DCLK2: variants seen among roughly 807,000 people sequenced by gnomAD.
DCLK2 encodes the protein doublecortin like kinase 2, also known as serine/threonine-protein kinase DCLK2.
In DCLK2, 31 loss-of-function variants were observed where a neutral mutation model predicts 78.4. The ratio of observed to expected loss-of-function variants is 0.40; its 90% CI spans 0.30 to 0.53. DCLK2 has a LOEUF of 0.53. Ranked by LOEUF, DCLK2 falls within the 20% of genes least tolerant of loss-of-function variation. DCLK2 has a pLI of 0.61. For missense variants in DCLK2, 872 were observed against 973.7 expected, an observed-to-expected ratio of 0.90 and a Z score of 1.39; for synonymous variants, 407 against 374.9, an observed-to-expected ratio of 1.09 and a Z score of -0.99.
chr4:150,234,827 C>T (rs1310273067), intron 10 of DCLK2, among the ~76,000 whole-genome samples: 2 of 151,852 alleles, frequency 1.3e-5, no homozygotes, highest in African/African-American at 4.8e-5. Context: ...AGTTGTAAAC[C>T]GAGCCTCAGG....
chr4:150,248,176 G>A, intron 13 of DCLK2, 129 bp from the exon 14 acceptor site: 1 of 718,436 alleles, frequency 1.4e-6, no homozygotes, highest in Non-Finnish European at 2.4e-6. Flanking sequence ...ATCACGTTTA[G>A]GTTTGAATCA....
At chr4:150,204,482 G>A (rs1349819439) in intron 5 of DCLK2, among the ~76,000 whole-genome samples, 1 of 152,138 alleles carries the variant, frequency 6.6e-6, no homozygotes, top group Non-Finnish European at 1.5e-5. Context: ...ATAGAGATGA[G>A]CAAAACCAAT....
chr4:150,078,911 C>G lies in DCLK2; in HGVS notation c.-117C>G, dbSNP rs1729015700. On this transcript the variant is annotated 5_prime_UTR_variant, in exon 1 of 16. Coordinates refer to ENST00000296550, the MANE Select transcript of DCLK2 (RefSeq NM_001040260.4). ...CCACCTGCGCGGAGAGGGCGGGATG[C>G]CAGAGCCAGGTGTCCCGGCGCGTTA... The G allele has an allele frequency of 1.5e-6, 2 of 1,308,596 alleles. No individual in the cohort carries two copies. Among genetic ancestry groups the G allele is most frequent in the East Asian group, 5.8e-5 (2 of 34,686 alleles). 81.1% of individuals were successfully genotyped at this position (1,308,596 alleles called of 1,614,324 possible).
At position 150,256,097 on chromosome 4, in the gene DCLK2, C is replaced by T. The variant is rs1166825526; in HGVS notation, c.2151C>T (p.Pro717=). 1 of 1,613,012 alleles carries T rather than the reference C, an allele frequency of 6.2e-7. No individual in the cohort carries two copies. The highest frequency in any genetic ancestry group is 1.3e-5 in the African/African-American group (1 of 74,790). ...ACAGCGGCAGGCCTGGGATGGAGCC[C>T]ATCTCTCCAGTTCCTCCCTCAGTGG... The part of the protein sequence containing the change: ...CQDSGRPGME[P]ISPVPPSVEE... The change falls in exon 16 of 16, where the codon CCC becomes CCT. Residue 717 remains proline (P), a synonymous_variant. Coordinates refer to ENST00000296550, the MANE Select transcript of DCLK2 (RefSeq NM_001040260.4).
intron 5 of DCLK2, among the ~76,000 whole-genome samples, chr4:150,219,275 T>C (rs1228339186): frequency 6.7e-6 from 1 of 148,990 alleles, no homozygotes; most frequent in African/African-American, 2.5e-5. Context: ...TTTTTTTTTT[T>C]TTTTTTTTTT....
intron 2 of DCLK2, among the ~76,000 whole-genome samples, chr4:150,141,645 A>G (rs1286646674): frequency 6.6e-6 from 1 of 152,186 alleles, no homozygotes; most frequent in East Asian, 1.9e-4. Flanking sequence ...TAAGCAGGTC[A>G]TGGCACAGAG....
chr4:150,212,579 G>A (rs1740398780), intron 5 of DCLK2, among the ~76,000 whole-genome samples: 1 of 152,072 alleles, frequency 6.6e-6, no homozygotes, highest in Non-Finnish European at 1.5e-5. Context: ...ACCAAAAGAG[G>A]GGCTAAGCAG....
At chr4:150,177,436 C>T (rs1232567479) in intron 2 of DCLK2, among the ~76,000 whole-genome samples, 5 of 151,882 alleles carry the variant, frequency 3.3e-5, no homozygotes, top group South Asian at 4.2e-4. Context: ...AGTCTATGGG[C>T]GAGGAATGAA....
intron 2 of DCLK2, among the ~76,000 whole-genome samples, chr4:150,183,704 A>C (rs1436244615): frequency 6.6e-6 from 1 of 151,966 alleles, no homozygotes; most frequent in Non-Finnish European, 1.5e-5. Context: ...AGTAGGACCC[A>C]AGGCATTTCT....
chr4:150,147,254 T>C (rs1296209377), intron 2 of DCLK2, among the ~76,000 whole-genome samples: 1 of 152,154 alleles, frequency 6.6e-6, no homozygotes, highest in African/African-American at 2.4e-5. Context: ...GCTATGATCA[T>C]GCCACTGCCC....
intron 2 of DCLK2, among the ~76,000 whole-genome samples, chr4:150,165,891 G>A (rs989180739): frequency 3.3e-5 from 5 of 152,198 alleles, no homozygotes; most frequent in African/African-American, 1.2e-4. Flanking sequence ...TGTTATGGGA[G>A]TAGGTGAGTT....
intron 14 of DCLK2, among the ~76,000 whole-genome samples, chr4:150,248,691 C>T (rs552932200): frequency 6.6e-6 from 1 of 152,274 alleles, no homozygotes; most frequent in Admixed American, 6.5e-5. Flanking sequence ...TAGCTCTCGT[C>T]TTCTGCGGTT....
chr4:150,118,150 C>T (rs972202594), intron 2 of DCLK2, among the ~76,000 whole-genome samples: 3 of 152,032 alleles, frequency 2.0e-5, no homozygotes, highest in Non-Finnish European at 4.4e-5. Context: ...CTGGGAGAGG[C>T]TTCAATGGTA....
intron 12 of DCLK2, among the ~76,000 whole-genome samples, chr4:150,242,764 G>A (rs1380186475): frequency 6.6e-6 from 1 of 152,206 alleles, no homozygotes; most frequent in Non-Finnish European, 1.5e-5. Context: ...CACTTGATGT[G>A]CCGTTAAGCA....
chr4:150,194,241 G>C (rs1738695728), intron 3 of DCLK2, among the ~76,000 whole-genome samples: 1 of 152,110 alleles, frequency 6.6e-6, no homozygotes, highest in South Asian at 2.1e-4. Flanking sequence ...ATTTGGTACA[G>C]TTACGTGCTA....
intron 1 of DCLK2, among the ~76,000 whole-genome samples, chr4:150,088,879 C>T (rs1438596502): frequency 6.6e-6 from 1 of 152,192 alleles, no homozygotes; most frequent in Admixed American, 6.5e-5. Context: ...CACGAAAGCA[C>T]ACTCACAAGG....
intron 3 of DCLK2, among the ~76,000 whole-genome samples, chr4:150,196,595 G>GT (rs1226868904): frequency 6.6e-6 from 1 of 151,754 alleles, no homozygotes; most frequent in Non-Finnish European, 1.5e-5. Context: ...ACTACAGACA[G>GT]TATGTTACCT....
intron 5 of DCLK2, among the ~76,000 whole-genome samples, chr4:150,215,741 A>C (rs1263380847): frequency 1.3e-5 from 2 of 152,178 alleles, no homozygotes; most frequent in African/African-American, 4.8e-5. Flanking sequence ...CTGGACAAAA[A>C]GGGGTATGAT....
At chr4:150,216,633 C>T (rs947618150) in intron 5 of DCLK2, among the ~76,000 whole-genome samples, 1 of 151,724 alleles carries the variant, frequency 6.6e-6, no homozygotes, top group Non-Finnish European at 1.5e-5. Flanking sequence ...AGTGAGACTC[C>T]GTCTCAAAAA....
Sources: gnomAD v4.1 joint callset for allele counts (sites outside exome capture counted in the v4.1 genomes callset) on GRCh38, gnomAD v4.1.1 for gene constraint, MANE v1.5 for transcripts, NCBI Gene and HGNC (gene_info 2026-07-23, HGNC 2026-07-21) for gene names.